Variants in QTMAN observed in about 807,000 individuals in gnomAD.
QTMAN encodes the protein tRNA-queuosine alpha-mannosyltransferase.
the QTMAN span, among the ~76,000 whole-genome samples, chr2:144,027,467 C>T: frequency 6.6e-6 from 1 of 152,060 alleles, no homozygotes; most frequent in South Asian, 2.1e-4. Context: ...TCAGATGAAG[C>T]AAAACCACAT....
the QTMAN span, among the ~76,000 whole-genome samples, chr2:143,966,375 G>A: frequency 6.6e-6 from 1 of 152,214 alleles, no homozygotes; most frequent in African/African-American, 2.4e-5. Flanking sequence ...TTTAAGGAAT[G>A]TTCTATTAAG....
At chr2:144,001,924 C>T in the QTMAN span, among the ~76,000 whole-genome samples, 6 of 151,850 alleles carry the variant, frequency 4.0e-5, no homozygotes, top group Non-Finnish European at 7.4e-5. Flanking sequence ...TACGTCACAT[C>T]GATTCCATTT....
chr2:144,323,429 C>T, the QTMAN span, among the ~76,000 whole-genome samples: 5 of 152,202 alleles, frequency 3.3e-5, no homozygotes, highest in South Asian at 1.0e-3. Context: ...TGAAGAATAC[C>T]ATGATTACTA....
the QTMAN span, among the ~76,000 whole-genome samples, chr2:144,188,230 C>T: frequency 6.6e-6 from 1 of 152,064 alleles, no homozygotes; most frequent in Non-Finnish European, 1.5e-5. Context: ...TAGAAGAACT[C>T]CAAGAAATAT....
the QTMAN span, among the ~76,000 whole-genome samples, chr2:143,999,915 C>CCAAGATT: frequency 6.6e-6 from 1 of 151,984 alleles, no homozygotes; most frequent in East Asian, 1.9e-4. Flanking sequence ...TATAACAGTA[C>CCAAGATT]CAAGATTGTG....
At chr2:144,297,577 C>A in the QTMAN span, among the ~76,000 whole-genome samples, 2 of 119,302 alleles carry the variant, frequency 1.7e-5, no homozygotes, top group South Asian at 5.5e-4. Context: ...AGGATTCCGT[C>A]TTTTTTTTTT....
the QTMAN span, among the ~76,000 whole-genome samples, chr2:144,081,268 G>A: frequency 6.6e-6 from 1 of 152,078 alleles, no homozygotes; most frequent in African/African-American, 2.4e-5. Context: ...GTAAGGCGTG[G>A]GAAGGGGGAA....
the QTMAN span, among the ~76,000 whole-genome samples, chr2:144,098,532 C>A: frequency 6.6e-6 from 1 of 151,794 alleles, no homozygotes; most frequent in East Asian, 1.9e-4. Context: ...CTGGGCAACA[C>A]GGTGAAACCC....
At chr2:144,199,284 G>C in the QTMAN span, among the ~76,000 whole-genome samples, 5 of 152,122 alleles carry the variant, frequency 3.3e-5, no homozygotes, top group African/African-American at 1.2e-4. Flanking sequence ...CCTGACCCCA[G>C]GTGATCCGCC....
chr2:144,011,251 T>C, the QTMAN span, among the ~76,000 whole-genome samples: 1 of 152,086 alleles, frequency 6.6e-6, no homozygotes, highest in Non-Finnish European at 1.5e-5. Flanking sequence ...GAAACACTTT[T>C]GTACTACTTT....
chr2:144,186,773 T>C, the QTMAN span, among the ~76,000 whole-genome samples: 2 of 152,232 alleles, frequency 1.3e-5, no homozygotes, highest in Non-Finnish European at 1.5e-5. Context: ...TTCAGTGTCC[T>C]CTAGGTAATA....
At chr2:144,106,658 A>G in the QTMAN span, among the ~76,000 whole-genome samples, 1 of 152,166 alleles carries the variant, frequency 6.6e-6, no homozygotes, top group Non-Finnish European at 1.5e-5. Context: ...ATAATAATGG[A>G]AGACATTAAC....
At chr2:144,182,864 A>ATTT in the QTMAN span, among the ~76,000 whole-genome samples, 36 of 72,964 alleles carry the variant, frequency 4.9e-4, no homozygotes, top group African/African-American at 2.4e-3. Flanking sequence ...TATATATAAT[A>ATTT]TATATATATT....
chr2:144,046,808 G>A, the QTMAN span, among the ~76,000 whole-genome samples: 917 of 152,054 alleles, frequency 6.0e-3, 11 homozygotes, highest in African/African-American at 0.021. Context: ...ATTATTTTTT[G>A]TCAAATATTT....
the QTMAN span, among the ~76,000 whole-genome samples, chr2:144,174,238 A>G: frequency 6.6e-6 from 1 of 152,090 alleles, no homozygotes; most frequent in African/African-American, 2.4e-5. Context: ...TTATGTACCC[A>G]GATGCTTACC....
chr2:144,011,171 C>G, the QTMAN span, among the ~76,000 whole-genome samples: 1 of 152,110 alleles, frequency 6.6e-6, no homozygotes, highest in African/African-American at 2.4e-5. Flanking sequence ...CAGGATATAT[C>G]CTTTAGTTGG....
the QTMAN span, among the ~76,000 whole-genome samples, chr2:144,274,480 T>C: frequency 6.6e-6 from 1 of 152,226 alleles, no homozygotes; most frequent in African/African-American, 2.4e-5. Flanking sequence ...CCTGACCTTT[T>C]GGGAGGTGAC....
chr2:144,323,014 G>C, the QTMAN span, among the ~76,000 whole-genome samples: 1 of 152,280 alleles, frequency 6.6e-6, no homozygotes, highest in South Asian at 2.1e-4. Context: ...ATTTTCACTT[G>C]AAAGTTTGAA....
the QTMAN span, among the ~76,000 whole-genome samples, chr2:144,159,974 CAAAACA>C: frequency 6.6e-6 from 1 of 151,020 alleles, no homozygotes; most frequent in African/African-American, 2.4e-5. Flanking sequence ...GCAAAAATAA[CAAAACA>C]AAAACAAAAA....
Sources: allele counts gnomAD v4.1 joint callset (sites outside exome capture counted in the v4.1 genomes callset), GRCh38; gene constraint gnomAD v4.1.1; transcripts MANE v1.5; gene names NCBI Gene and HGNC (gene_info 2026-07-23, HGNC 2026-07-21).